SERINC5: variants seen among roughly 807,000 people sequenced by gnomAD.
The protein encoded by SERINC5 is chromosome 5 open reading frame 12.
SERINC5 carries 41 observed loss-of-function variants against 63.1 expected under a neutral mutation model. The ratio of observed to expected loss-of-function variants is 0.65; its 90% CI spans 0.51 to 0.84. The LOEUF is 0.84. SERINC5 is among the 40% of genes least tolerant of loss of function. SERINC5 has a pLI of 0.00. For missense variants in SERINC5, 523 were observed against 573.0 expected (o/e 0.91, Z 0.89); for synonymous variants, 222 against 215.2 (o/e 1.03, Z -0.28).
chr5:80,165,389 A>G (rs1747226134), intron 7 of SERINC5, among the ~76,000 whole-genome samples: 1 of 152,178 alleles, frequency 6.6e-6, no homozygotes, highest in Non-Finnish European at 1.5e-5. Flanking sequence ...TAGACACTAC[A>G]TTTATTTGAC....
chr5:80,200,200 G>A (rs192421632), intron 2 of SERINC5, among the ~76,000 whole-genome samples: 70 of 152,170 alleles, frequency 4.6e-4, no homozygotes, highest in Middle Eastern at 6.8e-3. Context: ...AACTTTGGCT[G>A]GGCACAGTGG....
chr5:80,245,831 T>G (rs1035257100), intron 1 of SERINC5, among the ~76,000 whole-genome samples: 4 of 151,740 alleles, frequency 2.6e-5, no homozygotes, highest in Non-Finnish European at 5.9e-5. Flanking sequence ...GCCAGGCTGG[T>G]GTCCAACTCC....
intron 1 of SERINC5, among the ~76,000 whole-genome samples, chr5:80,228,970 T>G (rs937285349): frequency 6.9e-6 from 1 of 145,786 alleles, no homozygotes; most frequent in African/African-American, 2.5e-5. Context: ...AATTTAGTGA[T>G]AAATTCAGAG....
intron 11 of SERINC5, among the ~76,000 whole-genome samples, chr5:80,122,911 C>A (rs569493964): frequency 1.3e-5 from 2 of 152,234 alleles, no homozygotes; most frequent in Non-Finnish European, 2.9e-5. Flanking sequence ...CTCAGTGCCT[C>A]CAGGTAAAAG....
Position 80,139,961 on chromosome 5 carries a change from A to G in SERINC5, c.*3702T>C. On this transcript the variant is annotated 3_prime_UTR_variant, in exon 12 of 12. Coordinates refer to ENST00000507668, the MANE Select transcript of SERINC5 (RefSeq NM_001174072.3). ...GTAAAAGCCTAGGTAGCTTAAATAC[A>G]GGCTCTGGAATTTCCTTCGCAGGAA... The G allele has an allele frequency of 2.0e-6, 2 of 985,396 alleles. No individual in the cohort carries two copies. The highest frequency in any genetic ancestry group is 2.4e-6 in the Non-Finnish European group (2 of 829,894). The allele number at this position is 985,396 out of a possible 1,614,324, so 61.0% of individuals were successfully genotyped here.
intron 1 of SERINC5, among the ~76,000 whole-genome samples, chr5:80,222,090 G>A (rs568603255): frequency 2.0e-4 from 30 of 152,254 alleles, no homozygotes; most frequent in African/African-American, 7.0e-4. Flanking sequence ...GGAGGTTGCA[G>A]TGAGGTGTGA....
chr5:80,166,494 A>G lies in SERINC5; in HGVS notation c.764-16T>C. Reference sequence around the variant, plus strand: ...TGTGGCTGTCCTGAAAAGTGACAAGAGACAGACAACAGGTTTTAATTTGAA... The same window carrying G: ...TGTGGCTGTCCTGAAAAGTGACAAGGGACAGACAACAGGTTTTAATTTGAA... On this transcript the variant is annotated splice_polypyrimidine_tract_variant and intron_variant, in intron 6 of 11. Transcript: ENST00000507668. 1 of 1,539,676 alleles carries G rather than the reference A, an allele frequency of 6.5e-7. No individual in the cohort carries two copies.
At chr5:80,217,011 T>C (rs1750697652) in intron 1 of SERINC5, among the ~76,000 whole-genome samples, 1 of 151,994 alleles carries the variant, frequency 6.6e-6, no homozygotes, top group South Asian at 2.1e-4. Context: ...ACTCTGTCTC[T>C]AAAAAAACAA....
intron 1 of SERINC5, among the ~76,000 whole-genome samples, chr5:80,217,075 T>C (rs1299456780): frequency 2.0e-5 from 3 of 151,864 alleles, no homozygotes; most frequent in Middle Eastern, 6.3e-3. Context: ...GTTTGATGTT[T>C]ACATTTTTAT....
At chr5:80,116,708 C>G (rs1744336217) in intron 11 of SERINC5, among the ~76,000 whole-genome samples, 1 of 152,052 alleles carries the variant, frequency 6.6e-6, no homozygotes, top group South Asian at 2.1e-4. Flanking sequence ...CAAACATCCA[C>G]AGAGGCAGGC....
chr5:80,201,539 T>C (rs1749835144), intron 2 of SERINC5, among the ~76,000 whole-genome samples: 1 of 152,196 alleles, frequency 6.6e-6, no homozygotes. Context: ...ATCAGTTTTA[T>C]GAGGAATAAA....
intron 1 of SERINC5, among the ~76,000 whole-genome samples, chr5:80,249,375 C>A (rs1037673233): frequency 1.3e-5 from 2 of 151,290 alleles, no homozygotes; most frequent in Admixed American, 1.3e-4. Context: ...TGAATGTAAA[C>A]CCAGAAAACA....
chr5:80,200,537 G>A (rs566382421), intron 2 of SERINC5, among the ~76,000 whole-genome samples: 2 of 151,982 alleles, frequency 1.3e-5, no homozygotes, highest in African/African-American at 4.8e-5. Context: ...CTTCTCTTCT[G>A]AATTATAAGC....
chr5:80,122,642 C>G (rs1744593805), intron 11 of SERINC5, among the ~76,000 whole-genome samples: 1 of 152,182 alleles, frequency 6.6e-6, no homozygotes, highest in Non-Finnish European at 1.5e-5. Flanking sequence ...CCTTAAAATA[C>G]AGAGATGATC....
chr5:80,140,447 C>T lies in SERINC5; in HGVS notation c.*3216G>A. ...TAAACAATGTTGTATGGAAACAGAA[C>T]CCCAAAACCCCAATAACTCCACCCT... On this transcript the variant is annotated 3_prime_UTR_variant, in exon 12 of 12. Transcript: ENST00000507668. 1 of 984,240 alleles carries T rather than the reference C, an allele frequency of 1.0e-6. No homozygotes were observed. The highest frequency in any genetic ancestry group is 1.2e-6 in the Non-Finnish European group (1 of 829,686). 61.0% of individuals were successfully genotyped at this position (984,240 alleles called of 1,614,324 possible).
Position 80,256,048 on chromosome 5 carries a change from A to G in SERINC5, c.-126T>C, listed in dbSNP as rs1966470. 1,042,357 of 1,048,828 alleles carry G rather than the reference A, an allele frequency of 0.99. 517,971 individuals carry two copies. The highest frequency in any genetic ancestry group is 1 in the East Asian group (30,796 of 30,798). The allele number at this position is 1,048,828 out of a possible 1,614,324, so 65.0% of individuals were successfully genotyped here. A position where few individuals can be genotyped will look rare whatever the true frequency, so the allele number is the denominator to read the frequency against. On this transcript the variant is annotated 5_prime_UTR_variant, in exon 1 of 12. Coordinates refer to ENST00000507668, the MANE Select transcript of SERINC5 (RefSeq NM_001174072.3). ...ACTTGAACGAAGATCAGCCTCGGCG[A>G]AGCGCCTAGGCGCCGAGGCCTGGGT...
At chr5:80,117,182 G>T (rs1396775243) in intron 11 of SERINC5, among the ~76,000 whole-genome samples, 1 of 152,060 alleles carries the variant, frequency 6.6e-6, no homozygotes, top group South Asian at 2.1e-4. Flanking sequence ...TAACACGGAA[G>T]ATGGCTAGGA....
intron 1 of SERINC5, among the ~76,000 whole-genome samples, chr5:80,222,827 G>A (rs1210821833): frequency 6.6e-6 from 1 of 151,978 alleles, no homozygotes; most frequent in Non-Finnish European, 1.5e-5. Context: ...ACCCGCCTCG[G>A]CCTCCCAAAG....
intron 1 of SERINC5, among the ~76,000 whole-genome samples, chr5:80,253,917 G>A (rs982032153): frequency 3.9e-5 from 6 of 152,140 alleles, no homozygotes; most frequent in Admixed American, 3.3e-4. Context: ...GTGCTGTGAG[G>A]TTTTGTTTGC....
Sources: allele counts gnomAD v4.1 joint callset (sites outside exome capture counted in the v4.1 genomes callset), GRCh38; gene constraint gnomAD v4.1.1; transcripts MANE v1.5; gene names NCBI Gene and HGNC (gene_info 2026-07-23, HGNC 2026-07-21).